The following PDZD2 variants were observed in gnomAD, a reference collection of about 807,000 sequenced individuals.
PDZD2 encodes PDZ domain-containing protein 2.
In PDZD2, 90 loss-of-function variants were observed where a neutral mutation model predicts 220.7. The observed-to-expected ratio is 0.41, with a 90% CI of 0.34 to 0.49. The LOEUF is 0.49. Among genes scored for constraint, PDZD2 ranks in the 20% least tolerant of loss-of-function variants. PDZD2 has a pLI of 0.28. For missense variants in PDZD2, 3,174 were observed against 3,608.5 expected (o/e 0.88, Z 3.08); for synonymous variants, 1,375 against 1,450.5 (o/e 0.95, Z 1.18).
At chr5:31,748,222 A>G (rs1488418990) in intron 1 of PDZD2, 4 of 150,752 alleles carry the variant, frequency 2.7e-5, no homozygotes, top group Admixed American at 6.6e-5. Context: ...AATATCCTTG[A>G]CCTACCACGA....
At chr5:32,021,285 GAGACAGCCTCGC>G (rs1475486607) in intron 6 of PDZD2, among the ~76,000 whole-genome samples, 1 of 151,010 alleles carries the variant, frequency 6.6e-6, no homozygotes, top group African/African-American at 2.4e-5. Flanking sequence ...TGTTGTTTTT[GAGACAGCCTCGC>G]TCTGTCACCC....
At chr5:31,928,357 A>G (rs1744972352) in intron 2 of PDZD2, among the ~76,000 whole-genome samples, 1 of 152,162 alleles carries the variant, frequency 6.6e-6, no homozygotes, top group Admixed American at 6.5e-5. Context: ...TCTCAAACCC[A>G]TTTGACCACA....
chr5:31,662,940 C>T (rs967825824), intron 1 of PDZD2, among the ~76,000 whole-genome samples: 11 of 152,148 alleles, frequency 7.2e-5, no homozygotes, highest in African/African-American at 2.7e-4. Context: ...AAGGCCCCAC[C>T]TTCTAATGCT....
At position 31,983,651 on chromosome 5, in the gene PDZD2, G is replaced by A; in HGVS notation, c.973G>A (p.Ala325Thr). The A allele has an allele frequency of 6.2e-7, 1 of 1,612,644 alleles. No homozygotes were observed. Residue 325 changes from alanine (A) to threonine (T), a missense_variant, in exon 3 of 25, where the codon GCA becomes ACA. Ala to Thr is a moderately conservative substitution (Grantham distance 58). Transcript: ENST00000438447. The stretch of plus-strand genomic sequence containing the variant: ...GGACTTCCAATCGAGTGACTGCCTG[G>A]CACGGGTAAGGTTTGGTTTGATTAT... ...KTDFQSSDCLAREEVGRIWKM... is the reference protein window; with the variant it reads ...KTDFQSSDCLTREEVGRIWKM...
chr5:32,037,966 C>T lies in PDZD2; in HGVS notation c.1519+624C>T, dbSNP rs373855975. Among the ~76,000 whole-genome samples the T allele has an allele frequency of 8.6e-5, 13 of 151,582 alleles. No homozygotes were observed. The East Asian group carries it at 1.2e-3, about 14-fold the overall frequency. On this transcript the variant is annotated intron_variant, in intron 7 of 24. Coordinates refer to ENST00000438447, the MANE Select transcript of PDZD2 (RefSeq NM_178140.4). ...AAGCAATTCTCCTGCCTCAAACTCC[C>T]GAGTAGCTGGGATTACAAGCGCCCG...
intron 2 of PDZD2, among the ~76,000 whole-genome samples, chr5:31,865,767 G>A (rs57313219): frequency 2.7e-5 from 4 of 149,140 alleles, no homozygotes; most frequent in African/African-American, 9.9e-5. Context: ...AAGTAGCTGA[G>A]ATTACAGGCG....
intron 2 of PDZD2, among the ~76,000 whole-genome samples, chr5:31,862,494 G>A (rs1737810431): frequency 6.6e-6 from 1 of 151,906 alleles, no homozygotes; most frequent in Admixed American, 6.6e-5. Flanking sequence ...GGACATTTAA[G>A]TAGTATGGGC....
chr5:31,828,362 G>A (rs1407192926), intron 2 of PDZD2, among the ~76,000 whole-genome samples: 1 of 152,182 alleles, frequency 6.6e-6, no homozygotes, highest in Non-Finnish European at 1.5e-5. Context: ...GTCTTTATGA[G>A]ACCAGCCATC....
intron 2 of PDZD2, among the ~76,000 whole-genome samples, chr5:31,824,005 G>A (rs1032589329): frequency 3.3e-5 from 5 of 152,128 alleles, no homozygotes; most frequent in East Asian, 3.8e-4. Flanking sequence ...CAACTTTCTC[G>A]TCCTTGATGG....
rs1312841458 is a variant in PDZD2 at position 31,783,686 on chromosome 5, TGA to T, written c.-360-15199_-360-15198del. Among the ~76,000 whole-genome samples the T allele has an allele frequency of 3.3e-5, 5 of 152,250 alleles. No homozygotes were observed. In the East Asian group the frequency reaches 9.7e-4, roughly 29 times the overall value. ...TAATTCCCCAGATCGGCAGCGTGCC[TGA>T]GAGTGTCTATTTCCTATAGCACCTC... On this transcript the variant is annotated intron_variant, in intron 1 of 24. Coordinates refer to ENST00000438447, the MANE Select transcript of PDZD2 (RefSeq NM_178140.4).
chr5:32,028,955 T>G (rs901492621), intron 6 of PDZD2, among the ~76,000 whole-genome samples: 21 of 152,220 alleles, frequency 1.4e-4, no homozygotes, highest in African/African-American at 4.8e-4. Flanking sequence ...ATTGCTGGGA[T>G]TGCAGGCGTG....
At chr5:31,953,273 C>T (rs1747346741) in intron 2 of PDZD2, among the ~76,000 whole-genome samples, 2 of 151,964 alleles carry the variant, frequency 1.3e-5, no homozygotes, top group African/African-American at 4.8e-5. Flanking sequence ...AGATGAAAGA[C>T]AGTCTGTTTA....
intron 1 of PDZD2, among the ~76,000 whole-genome samples, chr5:31,696,902 G>C (rs1277525953): frequency 6.6e-6 from 1 of 152,148 alleles, no homozygotes; most frequent in Non-Finnish European, 1.5e-5. Context: ...AGGCTTTAGT[G>C]GTTCTGCTTG....
At chr5:31,916,417 G>C (rs991214759) in intron 2 of PDZD2, among the ~76,000 whole-genome samples, 1 of 152,190 alleles carries the variant, frequency 6.6e-6, no homozygotes, top group Non-Finnish European at 1.5e-5. Context: ...ACTCCCACTG[G>C]GTCCCCGATT....
intron 19 of PDZD2, among the ~76,000 whole-genome samples, chr5:32,085,227 C>G (rs1486063482): frequency 2.0e-5 from 3 of 150,336 alleles, no homozygotes; most frequent in Non-Finnish European, 4.4e-5. Context: ...GCTGGGATTA[C>G]AGGCGTGATC....
intron 1 of PDZD2, among the ~76,000 whole-genome samples, chr5:31,739,966 G>C (rs753272003): frequency 1.1e-4 from 17 of 152,210 alleles, no homozygotes; most frequent in Admixed American, 2.0e-4. Context: ...TACTCTCATA[G>C]TAAGCAGATG....
chr5:32,110,867 C>T lies in PDZD2; in HGVS notation c.*2732C>T, dbSNP rs1745326828. On this transcript the variant is annotated 3_prime_UTR_variant, in exon 25 of 25. Transcript: ENST00000438447. ...ATGTTGTCACCAAGTTATATAAATCCACATCTCTGTAAACAACCTTTTTTA... is the reference window on the plus strand; with the variant it reads ...ATGTTGTCACCAAGTTATATAAATCTACATCTCTGTAAACAACCTTTTTTA... 1 of 152,078 alleles carries T rather than the reference C, an allele frequency of 6.6e-6. No individual in the cohort carries two copies. The highest frequency in any genetic ancestry group is 6.6e-5 in the Admixed American group (1 of 15,238). The allele number at this position is 152,078 out of a possible 1,614,324, so 9.4% of individuals were successfully genotyped here.
chr5:31,669,367 G>A (rs1167694060), intron 1 of PDZD2, among the ~76,000 whole-genome samples: 4 of 143,182 alleles, frequency 2.8e-5, no homozygotes, highest in Admixed American at 7.3e-5. Flanking sequence ...GTGCCTCTAC[G>A]CTCCAGCCTG....
Position 32,070,574 on chromosome 5 carries a change from CT to C in PDZD2, c.2534-809del, listed in dbSNP as rs796702517. 5.3e-5 allele frequency among the ~76,000 whole-genome samples: 8 copies of C among 152,346 alleles called. 2 individuals are homozygous for C. Among genetic ancestry groups the C allele is most frequent in the African/African-American group, 1.9e-4 (8 of 41,588 alleles). Reference sequence around the variant, plus strand: ...AGCCTTTTCACCCTACAGTTAAAAACTAAAATAGATATTCAGTCATCTTCTC... The same window carrying C: ...AGCCTTTTCACCCTACAGTTAAAAACAAAATAGATATTCAGTCATCTTCTC... On this transcript the variant is annotated intron_variant, in intron 15 of 24. Transcript: ENST00000438447.
Sources: gnomAD v4.1 joint callset for allele counts (sites outside exome capture counted in the v4.1 genomes callset) on GRCh38, gnomAD v4.1.1 for gene constraint, MANE v1.5 for transcripts, NCBI Gene and HGNC (gene_info 2026-07-23, HGNC 2026-07-21) for gene names.